The following PRKAR2B variants were observed in gnomAD, a reference collection of about 807,000 sequenced individuals.
PRKAR2B encodes the protein protein kinase cAMP-dependent type II regulatory subunit beta.
PRKAR2B carries 14 observed loss-of-function variants against 49.9 expected under a neutral mutation model. That is an observed-to-expected ratio of 0.28 (90% CI 0.19 to 0.44). PRKAR2B has a LOEUF of 0.44. Ranked by LOEUF, PRKAR2B falls within the 20% of genes least tolerant of loss-of-function variation. The pLI is 1.00. For missense variants in PRKAR2B, 393 were observed against 537.9 expected (o/e 0.73, Z 2.67); for synonymous variants, 196 against 197.7 (o/e 0.99, Z 0.07).
chr7:107,088,161 C>T (rs1036056456), intron 2 of PRKAR2B, among the ~76,000 whole-genome samples: 3 of 152,172 alleles, frequency 2.0e-5, no homozygotes, highest in Non-Finnish European at 2.9e-5. Flanking sequence ...CACAGCTTAT[C>T]AGGAGAGCAG....
chr7:107,122,648 G>A (rs529658427), intron 3 of PRKAR2B, among the ~76,000 whole-genome samples: 19 of 152,138 alleles, frequency 1.2e-4, no homozygotes, highest in Admixed American at 5.9e-4. Context: ...TACATGTGTT[G>A]CAAAAGTGCC....
intron 1 of PRKAR2B, among the ~76,000 whole-genome samples, chr7:107,066,279 C>T (rs1288758774): frequency 1.4e-5 from 2 of 144,374 alleles, no homozygotes; most frequent in Admixed American, 7.0e-5. Flanking sequence ...CTATCCTAGT[C>T]TCTAGTTTTC....
intron 10 of PRKAR2B, among the ~76,000 whole-genome samples, chr7:107,158,460 A>G (rs1205446625): frequency 1.3e-5 from 2 of 152,212 alleles, no homozygotes; most frequent in African/African-American, 2.4e-5. Context: ...TTTCCAAACA[A>G]CTTTTAAAGT....
At chr7:107,153,045 C>A in intron 7 of PRKAR2B, 132 bp from the exon 8 acceptor site, 1 of 433,254 alleles carries the variant, frequency 2.3e-6, no homozygotes, top group Non-Finnish European at 4.0e-6. Flanking sequence ...GTAATTAATA[C>A]AACAAACACA....
intron 8 of PRKAR2B, among the ~76,000 whole-genome samples, chr7:107,154,204 T>A (rs1796038961): frequency 6.6e-6 from 1 of 152,194 alleles, no homozygotes; most frequent in South Asian, 2.1e-4. Context: ...AAATGATTTT[T>A]TAAGGTTTTA....
chr7:107,047,894 T>A (rs966991524), intron 1 of PRKAR2B, among the ~76,000 whole-genome samples: 2 of 152,238 alleles, frequency 1.3e-5, no homozygotes, highest in East Asian at 1.9e-4. Context: ...CAGGTCATTC[T>A]GATATCAATA....
chr7:107,153,976 T>C (rs1796034256), intron 8 of PRKAR2B, among the ~76,000 whole-genome samples: 1 of 152,220 alleles, frequency 6.6e-6, no homozygotes, highest in African/African-American at 2.4e-5. Flanking sequence ...TTCCTTTATA[T>C]GGGAAACAAG....
At chr7:107,107,556 A>G (rs1795095647) in intron 2 of PRKAR2B, among the ~76,000 whole-genome samples, 2 of 152,042 alleles carry the variant, frequency 1.3e-5, no homozygotes, top group South Asian at 4.1e-4. Context: ...AATGCCATCA[A>G]TTCCTGAGAG....
intron 4 of PRKAR2B, among the ~76,000 whole-genome samples, chr7:107,130,423 A>T (rs535396620): frequency 6.6e-6 from 1 of 151,968 alleles, no homozygotes; most frequent in Non-Finnish European, 1.5e-5. Context: ...AATGGCATGA[A>T]CCCAGGAGGT....
chr7:107,054,497 C>T (rs931326589), intron 1 of PRKAR2B, among the ~76,000 whole-genome samples: 1 of 152,180 alleles, frequency 6.6e-6, no homozygotes, highest in Admixed American at 6.5e-5. Flanking sequence ...AAATCTCACT[C>T]TTTTCCCAAA....
chr7:107,159,721 A>G lies in PRKAR2B; in HGVS notation c.*139A>G. 1 of 829,478 alleles carries G rather than the reference A, an allele frequency of 1.2e-6. No homozygotes were observed. Among genetic ancestry groups the G allele is most frequent in the Non-Finnish European group, 1.8e-6 (1 of 544,896 alleles). 51.4% of individuals were successfully genotyped at this position (829,478 alleles called of 1,614,324 possible). ...TTTTTTACATTTACAACGTATCAAT[A>G]AACAGTAGTGATTTAATAGTCAATA... is the stretch of plus-strand genomic sequence containing the variant. On this transcript the variant is annotated 3_prime_UTR_variant, in exon 11 of 11. Transcript: ENST00000265717.
chr7:107,075,139 T>C (rs1489079701), intron 2 of PRKAR2B, among the ~76,000 whole-genome samples: 4 of 151,804 alleles, frequency 2.6e-5, no homozygotes, highest in African/African-American at 9.7e-5. Flanking sequence ...AGTCTCGCTC[T>C]GTCACCAGGC....
intron 4 of PRKAR2B, chr7:107,133,780 TTTAG>T (rs1261461290): frequency 2.0e-5 from 3 of 152,190 alleles, no homozygotes; most frequent in Non-Finnish European, 4.4e-5. Flanking sequence ...TTAGAGTTTT[TTTAG>T]TTAATTAAAA....
intron 1 of PRKAR2B, among the ~76,000 whole-genome samples, chr7:107,066,127 A>G (rs1229748028): frequency 6.6e-6 from 1 of 152,198 alleles, no homozygotes; most frequent in South Asian, 2.1e-4. Context: ...GTCAAACCTT[A>G]TATAAATATT....
intron 2 of PRKAR2B, among the ~76,000 whole-genome samples, chr7:107,121,201 A>G (rs1182842999): frequency 6.6e-6 from 1 of 152,036 alleles, no homozygotes; most frequent in Non-Finnish European, 1.5e-5. Flanking sequence ...TGGTCATACA[A>G]TTTAGCCCCT....
At chr7:107,093,503 CT>C (rs1183527027) in intron 2 of PRKAR2B, among the ~76,000 whole-genome samples, 2 of 111,592 alleles carry the variant, frequency 1.8e-5, no homozygotes, top group African/African-American at 2.9e-5. Flanking sequence ...CCAGTGCCCA[CT>C]TTTTTTTCTT....
At chr7:107,109,962 G>T (rs955261597) in intron 2 of PRKAR2B, among the ~76,000 whole-genome samples, 1 of 152,122 alleles carries the variant, frequency 6.6e-6, no homozygotes, top group Non-Finnish European at 1.5e-5. Context: ...AATCAGGTGA[G>T]CACTCACAGT....
chr7:107,091,076 G>T (rs566622639), intron 2 of PRKAR2B, among the ~76,000 whole-genome samples: 1 of 152,206 alleles, frequency 6.6e-6, no homozygotes, highest in South Asian at 2.1e-4. Context: ...CCAACCACCT[G>T]GTTCCCTCAT....
At chr7:107,047,826 T>A (rs187355923) in intron 1 of PRKAR2B, among the ~76,000 whole-genome samples, 32 of 152,310 alleles carry the variant, frequency 2.1e-4, no homozygotes, top group Admixed American at 6.5e-4. Context: ...AGAGCTTTTT[T>A]AAATAGGTTG....
Sources: allele counts gnomAD v4.1 joint callset (sites outside exome capture counted in the v4.1 genomes callset), GRCh38; gene constraint gnomAD v4.1.1; transcripts MANE v1.5; gene names NCBI Gene and HGNC (gene_info 2026-07-23, HGNC 2026-07-21).